Variants in CSMD1 observed in about 807,000 individuals in gnomAD.
CSMD1 encodes the protein CUB and sushi domain-containing protein 1.
CSMD1 carries 213 observed loss-of-function variants against 417.5 expected under a neutral mutation model. The ratio of observed to expected loss-of-function variants is 0.51; its 90% CI spans 0.46 to 0.57. The LOEUF (loss-of-function observed/expected upper bound fraction) is 0.57, where lower values mean the gene tolerates loss of function less well. CSMD1 is among the 20% of genes least tolerant of loss of function. The pLI is 0.00. For missense variants in CSMD1, 6,923 were observed against 4,529.7 expected (o/e 1.53, Z -15.17); for synonymous variants, 2,862 against 1,736.8 (o/e 1.65, Z -16.11).
At chr8:3,219,084 T>C (rs1798052303) in intron 29 of CSMD1, among the ~76,000 whole-genome samples, 171 bp downstream of exon 29, 1 of 152,098 alleles carries the variant, frequency 6.6e-6, no homozygotes, top group South Asian at 2.1e-4. Flanking sequence ...GAAATGCACC[T>C]CAGGAATATC....
intron 3 of CSMD1, among the ~76,000 whole-genome samples, chr8:4,239,627 C>G (rs896449818): frequency 1.3e-5 from 2 of 152,166 alleles, no homozygotes; most frequent in African/African-American, 4.8e-5. Context: ...ACCTAGAGAA[C>G]CCAAACTGCT....
At chr8:4,405,486 G>C (rs193162151) in intron 3 of CSMD1, among the ~76,000 whole-genome samples, 1 of 151,952 alleles carries the variant, frequency 6.6e-6, no homozygotes, top group Non-Finnish European at 1.5e-5. Flanking sequence ...AGAGTGAAGT[G>C]AAGTCAATGT....
intron 2 of CSMD1, among the ~76,000 whole-genome samples, chr8:4,590,979 A>G (rs1322636534): frequency 1.3e-5 from 2 of 152,196 alleles, no homozygotes; most frequent in African/African-American, 4.8e-5. Flanking sequence ...GTCTTATTTT[A>G]GTCTTCATAT....
At chr8:3,477,500 G>C (rs1310413092) in intron 11 of CSMD1, among the ~76,000 whole-genome samples, 1 of 152,202 alleles carries the variant, frequency 6.6e-6, no homozygotes. Flanking sequence ...GATTAATAAG[G>C]ATAAGTAAAG....
At chr8:4,920,497 G>C (rs952137718) in intron 1 of CSMD1, among the ~76,000 whole-genome samples, 1 of 152,092 alleles carries the variant, frequency 6.6e-6, no homozygotes, top group Non-Finnish European at 1.5e-5. Context: ...AGGAATCAAG[G>C]ATTTAGTTAC....
At chr8:3,466,953 CT>C (rs1816823055) in intron 12 of CSMD1, among the ~76,000 whole-genome samples, 1 of 151,838 alleles carries the variant, frequency 6.6e-6, no homozygotes, top group Admixed American at 6.6e-5. Context: ...TTTTAATTAC[CT>C]TTTTGCCTTT....
chr8:4,944,844 G>C (rs541586924), intron 1 of CSMD1, among the ~76,000 whole-genome samples: 2 of 152,184 alleles, frequency 1.3e-5, no homozygotes, highest in African/African-American at 2.4e-5. Flanking sequence ...AAACAGTATG[G>C]TGATTCTTCT....
rs183599587 is a variant in CSMD1, at chr8:3,444,186, A to T, written c.1561+24526T>A. Among the ~76,000 whole-genome samples, 664 of 152,282 alleles carry T rather than the reference A, an allele frequency of 4.4e-3. 2 individuals carry two copies. The highest frequency in any genetic ancestry group is 6.1e-3 in the Admixed American group (93 of 15,284). ...GTCCAGATCATAATGTTGAAATATC[A>T]TTTGCCATTCAAGGAAGCCAAGAAT... On this transcript the variant is annotated intron_variant, in intron 12 of 69. Transcript: ENST00000635120.
At chr8:3,182,616 G>GAGAAGGAC (rs1821419231) in intron 36 of CSMD1, among the ~76,000 whole-genome samples, 1 of 61,418 alleles carries the variant, frequency 1.6e-5, no homozygotes. Context: ...GTGTGTGTGT[G>GAGAAGGAC]TGTGTGTGTG....
chr8:4,989,494 T>A (rs1811354139), intron 1 of CSMD1, among the ~76,000 whole-genome samples: 1 of 152,214 alleles, frequency 6.6e-6, no homozygotes, highest in African/African-American at 2.4e-5. Flanking sequence ...CTCTGATTTG[T>A]TAGTTGATCA....
intron 7 of CSMD1, among the ~76,000 whole-genome samples, chr8:3,666,849 A>C (rs1798718908): frequency 6.6e-6 from 1 of 152,162 alleles, no homozygotes; most frequent in Non-Finnish European, 1.5e-5. Flanking sequence ...TTTTCTTTAC[A>C]AATTACTCAG....
chr8:3,604,499 C>G (rs975472174), intron 8 of CSMD1, among the ~76,000 whole-genome samples: 3 of 151,914 alleles, frequency 2.0e-5, no homozygotes, highest in African/African-American at 7.3e-5. Flanking sequence ...TGAAGACGTG[C>G]TAAAGAGGAG....
chr8:4,875,306 A>G (rs1802978989), intron 1 of CSMD1, among the ~76,000 whole-genome samples: 1 of 152,096 alleles, frequency 6.6e-6, no homozygotes, highest in African/African-American at 2.4e-5. Context: ...GTTCGAAAAT[A>G]TGATATGACC....
At chr8:4,348,648 GGAGAGAGA>G (rs750381880) in intron 3 of CSMD1, among the ~76,000 whole-genome samples, 69 of 110,506 alleles carry the variant, frequency 6.2e-4, no homozygotes, top group African/African-American at 2.2e-3. Context: ...AGAGGGAGGG[GGAGAGAGA>G]GAGAGAGAGA....
chr8:3,024,998 TGGTGTTATTCTGAAACCGTGTATTGTGC>T lies in CSMD1; in HGVS notation c.7855+4293_7855+4320del, dbSNP rs1809745966. 2.0e-5 allele frequency among the ~76,000 whole-genome samples: 3 copies of T among 151,662 alleles called. 1 individual carries two copies. In the South Asian group the frequency reaches 6.2e-4, roughly 31 times the overall value. Reference sequence around the variant, plus strand: ...TGTTATTCTAAAACTGTGTATTGTGTGGTGTTATTCTGAAACCGTGTATTGTGCGGTGTTATTCTGAAACCCTGTATTG... The same window carrying T: ...TGTTATTCTAAAACTGTGTATTGTGTGGTGTTATTCTGAAACCCTGTATTG... On this transcript the variant is annotated intron_variant, in intron 51 of 69. Coordinates refer to ENST00000635120, the MANE Select transcript of CSMD1 (RefSeq NM_033225.6).
At chr8:3,337,687 C>A (rs950101274) in intron 23 of CSMD1, among the ~76,000 whole-genome samples, 4 of 152,208 alleles carry the variant, frequency 2.6e-5, no homozygotes, top group Admixed American at 6.5e-5. Flanking sequence ...AGTCTTGCGT[C>A]TGCTGAGATC....
intron 3 of CSMD1, among the ~76,000 whole-genome samples, chr8:4,290,002 T>A (rs1467488654): frequency 2.6e-5 from 4 of 152,224 alleles, no homozygotes; most frequent in Non-Finnish European, 4.4e-5. Flanking sequence ...GAATGTGTTA[T>A]GTGCTAAGCA....
chr8:4,762,187 T>A (rs941271233), intron 1 of CSMD1, among the ~76,000 whole-genome samples: 4 of 152,134 alleles, frequency 2.6e-5, no homozygotes, highest in Non-Finnish European at 5.9e-5. Flanking sequence ...ATATCTCGTA[T>A]ATTTATAATT....
At chr8:4,021,099 C>A (rs1796766811) in intron 4 of CSMD1, among the ~76,000 whole-genome samples, 1 of 152,172 alleles carries the variant, frequency 6.6e-6, no homozygotes, top group African/African-American at 2.4e-5. Flanking sequence ...ATAGAGGATA[C>A]AACAAGTTTA....
Sources: gnomAD v4.1 joint callset for allele counts (sites outside exome capture counted in the v4.1 genomes callset) on GRCh38, gnomAD v4.1.1 for gene constraint, MANE v1.5 for transcripts, NCBI Gene and HGNC (gene_info 2026-07-23, HGNC 2026-07-21) for gene names.